ZFP1: variants seen among roughly 807,000 people sequenced by gnomAD.
ZFP1 encodes the protein zinc finger protein 1 homolog.
Under a neutral mutation model 38.5 loss-of-function variants are expected in ZFP1, and 32 were observed. That is an observed-to-expected ratio of 0.83 (90% CI 0.63 to 1.12). The LOEUF is 1.12. ZFP1 is among the 50% of genes most tolerant of loss of function. ZFP1 has a pLI of 0.00. For missense variants in ZFP1, 616 were observed against 480.8 expected, an observed-to-expected ratio of 1.28 and a Z score of -2.63; for synonymous variants, 245 against 168.8, an observed-to-expected ratio of 1.45 and a Z score of -3.50.
the ZFP1 span, among the ~76,000 whole-genome samples, chr16:75,139,387 A>AAAACAAAAACAAAAAC: frequency 6.9e-6 from 1 of 144,126 alleles, no homozygotes; most frequent in African/African-American, 2.8e-5. Context: ...AAAAAAAAAA[A>AAAACAAAAACAAAAAC]AAAAAAAAAC....
chr16:75,166,648 T>C, intron 2 of ZFP1, 122 bp from the exon 3 acceptor site: 26 of 1,534,532 alleles, frequency 1.7e-5, no homozygotes, highest in Non-Finnish European at 2.3e-5. Context: ...ACAAAAACAG[T>C]GAACAAGATG....
intron 3 of ZFP1, among the ~76,000 whole-genome samples, chr16:75,168,673 C>G (rs1481487597): frequency 6.6e-6 from 1 of 152,158 alleles, no homozygotes; most frequent in Non-Finnish European, 1.5e-5. Flanking sequence ...TGGAGCTCTG[C>G]TATCTGGTTG....
upstream of ZFP1, among the ~76,000 whole-genome samples, chr16:75,147,337 G>C (rs573413259): frequency 2.6e-5 from 4 of 152,218 alleles, no homozygotes; most frequent in African/African-American, 7.2e-5. Context: ...GAGTGCAGTG[G>C]CACAATCTTG....
chr16:75,167,251 G>A (rs2038142479), intron 3 of ZFP1, among the ~76,000 whole-genome samples: 4 of 152,334 alleles, frequency 2.6e-5, no homozygotes, highest in Non-Finnish European at 5.9e-5. Flanking sequence ...TTAGTATCCA[G>A]ACGATTATGA....
chr16:75,129,924 G>C, the ZFP1 span, among the ~76,000 whole-genome samples: 1 of 152,326 alleles, frequency 6.6e-6, no homozygotes, highest in South Asian at 2.1e-4. Context: ...AGGAAGGAAA[G>C]TACACTTGGA....
At chr16:75,154,521 A>T (rs10871302) in intron 2 of ZFP1, among the ~76,000 whole-genome samples, 2 of 150,886 alleles carry the variant, frequency 1.3e-5, no homozygotes, top group Non-Finnish European at 2.9e-5. Flanking sequence ...AACTCCCTTC[A>T]ATGTGGCTGT....
At chr16:75,131,855 C>G in the ZFP1 span, among the ~76,000 whole-genome samples, 36 of 151,900 alleles carry the variant, frequency 2.4e-4, 1 homozygote, top group Admixed American at 4.6e-4. Flanking sequence ...ATCTCAGCTA[C>G]TTGGGAGGCT....
the ZFP1 span, among the ~76,000 whole-genome samples, chr16:75,120,995 A>T: frequency 0.25 from 37,370 of 151,772 alleles, 5,424 homozygotes; most frequent in East Asian, 0.61. Context: ...GAAGTTTTTT[A>T]AAAAGTGCAC....
At chr16:75,140,317 C>G in the ZFP1 span, among the ~76,000 whole-genome samples, 1 of 151,938 alleles carries the variant, frequency 6.6e-6, no homozygotes, top group Admixed American at 6.6e-5. Context: ...GCTTCTAATC[C>G]CAGCACCTTG....
At chr16:75,146,756 T>A (rs747988750), upstream of ZFP1, among the ~76,000 whole-genome samples, 2 of 151,972 alleles carry the variant, frequency 1.3e-5, no homozygotes, top group African/African-American at 2.4e-5. Flanking sequence ...CTGGGCAACA[T>A]GGCAAAATGC....
chr16:75,132,678 A>G, the ZFP1 span: 4 of 127,886 alleles, frequency 3.1e-5, no homozygotes, highest in Non-Finnish European at 6.3e-5. Context: ...TTTTTCCGAG[A>G]CAGAGTCTCA....
the ZFP1 span, among the ~76,000 whole-genome samples, chr16:75,124,141 G>C: frequency 6.6e-6 from 1 of 151,312 alleles, no homozygotes; most frequent in Non-Finnish European, 1.5e-5. Flanking sequence ...TTTTGAAAAA[G>C]GTGAACAATT....
intron 1 of ZFP1, among the ~76,000 whole-genome samples, 199 bp from the exon 2 acceptor site, chr16:75,152,710 A>G (rs1018648955): frequency 2.0e-5 from 3 of 152,102 alleles, no homozygotes; most frequent in Non-Finnish European, 4.4e-5. Context: ...TCTTGCCTTT[A>G]TGGGTGTCTG....
Position 75,164,387 on chromosome 16 carries a change from C to CCAAA in ZFP1, c.16-2380_16-2377dup, listed in dbSNP as rs2037947243. Among the ~76,000 whole-genome samples, 4 of 152,300 alleles carry CCAAA rather than the reference C, an allele frequency of 2.6e-5. No individual in the cohort carries two copies. In the South Asian group the frequency reaches 8.3e-4, roughly 32 times the overall value. The stretch of plus-strand genomic sequence containing the variant: ...ACAAAAGTTAATCAGAATTTTTCTT[C>CCAAA]CAAACATGGTACTTTCTTCCTGCCA... On this transcript the variant is annotated intron_variant, in intron 2 of 3. Coordinates refer to ENST00000570010, the MANE Select transcript of ZFP1 (RefSeq NM_153688.4).
At position 75,169,628 on chromosome 16, in the gene ZFP1, A is replaced by G. The variant is rs763700214; in HGVS notation, c.518A>G (p.Lys173Arg). 2 of 1,592,008 alleles carry G rather than the reference A, an allele frequency of 1.3e-6. No homozygotes were observed. Among genetic ancestry groups the G allele is most frequent in the Non-Finnish European group, 1.7e-6 (2 of 1,173,970 alleles). Residue 173 changes from lysine to arginine, a missense_variant, in exon 4 of 4, where the codon AAA (lysine) becomes AGA (arginine). By Grantham distance (26) the Lys-to-Arg change is conservative. Coordinates refer to ENST00000570010, the MANE Select transcript of ZFP1 (RefSeq NM_153688.4). ...CTCAGCCATAAAGCAGCCATTTTTAAACATCAGAAAATAAAAAACTTGGTT... is the reference window on the plus strand; with the variant it reads ...CTCAGCCATAAAGCAGCCATTTTTAGACATCAGAAAATAAAAAACTTGGTT... ...KALSHKAAIF[K>R]HQKIKNLVQP... is the part of the protein sequence containing the mutation.
chr16:75,128,014 A>G, the ZFP1 span: 12 of 152,342 alleles, frequency 7.9e-5, no homozygotes, highest in East Asian at 2.1e-3. Context: ...ATCTGTTTTC[A>G]TTTGTAACAG....
At chr16:75,131,442 C>T in the ZFP1 span, among the ~76,000 whole-genome samples, 1 of 152,174 alleles carries the variant, frequency 6.6e-6, no homozygotes, top group Admixed American at 6.5e-5. Flanking sequence ...TAATTCCTAG[C>T]TCGTTTTCCT....
the ZFP1 span, among the ~76,000 whole-genome samples, chr16:75,122,851 C>T: frequency 6.6e-6 from 1 of 152,188 alleles, no homozygotes; most frequent in African/African-American, 2.4e-5. Context: ...GATGGAGTCA[C>T]TTAGGTGCAA....
At chr16:75,131,128 G>A in the ZFP1 span, among the ~76,000 whole-genome samples, 8 of 152,228 alleles carry the variant, frequency 5.3e-5, no homozygotes, top group Admixed American at 1.3e-4. Context: ...CCCTCGGTCT[G>A]GCATATTCTC....
Sources: allele counts gnomAD v4.1 joint callset (sites outside exome capture counted in the v4.1 genomes callset), GRCh38; gene constraint gnomAD v4.1.1; transcripts MANE v1.5; gene names NCBI Gene and HGNC (gene_info 2026-07-23, HGNC 2026-07-21).